The following LRRC38 variants were observed in gnomAD, a reference collection of about 807,000 sequenced individuals.
LRRC38 encodes the protein leucine-rich repeat-containing protein 38.
A neutral mutation model predicts 16.4 loss-of-function variants in LRRC38; 5 were observed. The ratio of observed to expected loss-of-function variants is 0.31; its 90% CI spans 0.16 to 0.64. The LOEUF (loss-of-function observed/expected upper bound fraction) is 0.64. LRRC38 is among the 30% of genes least tolerant of loss of function. The probability of loss-of-function intolerance (pLI) is 0.80; values close to 1 mark genes in which losing one functional copy is unlikely to be tolerated. For missense variants in LRRC38, 341 were observed against 401.8 expected (o/e 0.85, Z 1.29); for synonymous variants, 191 against 190.2 (o/e 1.00, Z -0.04).
rs930859549 is a variant in LRRC38, at chr1:13,475,918, A to G, written c.813T>C (p.Thr271=). The change falls in exon 2 of 2, where the codon ACT becomes ACC. Residue 271 remains threonine (T), a synonymous_variant. Coordinates refer to ENST00000376085, the MANE Select transcript of LRRC38 (RefSeq NM_001010847.2). The surrounding 1 kb of genome is among the most constrained non-coding windows in gnomAD (Gnocchi z 4.3). ...CGCACCTCTGGAGGCACTGCACCAC[A>G]GTGGCCAGGAAGAAGCTGGAGATGA... is the stretch of plus-strand genomic sequence containing the variant. ...AAIISSFFLA[T]VVQCLQRCAP... 4.5e-6 allele frequency: 7 copies of G among 1,550,652 alleles called. No homozygotes were observed. Among genetic ancestry groups the G allele is most frequent in the Non-Finnish European group, 4.4e-6 (5 of 1,147,014 alleles).
At chr1:13,508,899 G>T (rs1235356477) in intron 1 of LRRC38, among the ~76,000 whole-genome samples, 1 of 152,160 alleles carries the variant, frequency 6.6e-6, no homozygotes, top group African/African-American at 2.4e-5. Context: ...CGGGGAAATG[G>T]GGAGAGGCTC....
intron 1 of LRRC38, among the ~76,000 whole-genome samples, chr1:13,478,301 G>A (rs1340093441): frequency 3.9e-5 from 6 of 152,106 alleles, no homozygotes; most frequent in Non-Finnish European, 7.4e-5. Context: ...CACTACACAC[G>A]TTTTTACTCA....
At chr1:13,485,277 TAAAAA>T (rs3060199) in intron 1 of LRRC38, among the ~76,000 whole-genome samples, 1 of 97,822 alleles carries the variant, frequency 1.0e-5, no homozygotes, top group South Asian at 3.8e-4. Flanking sequence ...AACCCCACCT[TAAAAA>T]AAAAAAAAAA....
chr1:13,482,515 C>T lies in LRRC38; in HGVS notation c.632-6416G>A, dbSNP rs189690972. ...AAATTTCTTGAGCCCCAGAGGCAAA[C>T]GCTGCAGTGAGCCAAGATTACGCCA... is the stretch of plus-strand genomic sequence containing the variant. On this transcript the variant is annotated intron_variant, in intron 1 of 1. Transcript: ENST00000376085. 8.0e-4 allele frequency among the ~76,000 whole-genome samples: 121 copies of T among 151,124 alleles called. 1 individual carries two copies. The highest frequency in any genetic ancestry group is 2.5e-3 in the African/African-American group (103 of 41,078).
chr1:13,484,172 C>T (rs554663285), intron 1 of LRRC38, among the ~76,000 whole-genome samples: 11 of 152,268 alleles, frequency 7.2e-5, no homozygotes, highest in Admixed American at 1.3e-4. Context: ...TCTGCACCTG[C>T]CTGCTCTGCC....
chr1:13,511,135 T>C (rs990678299), intron 1 of LRRC38, among the ~76,000 whole-genome samples: 7 of 152,130 alleles, frequency 4.6e-5, no homozygotes, highest in Non-Finnish European at 7.3e-5. Flanking sequence ...CTTTCCTATC[T>C]GAGTCCAGTT....
chr1:13,500,212 G>C lies in LRRC38; in HGVS notation c.631+12751C>G, dbSNP rs1235591711. On this transcript the variant is annotated intron_variant, in intron 1 of 1. Transcript: ENST00000376085. ...AGAGATTGCAGTGAGCCGAGATCAT[G>C]CCACTGCACTCCAGCCCGGGCGACA... is the stretch of plus-strand genomic sequence containing the variant. Among the ~76,000 whole-genome samples, 3 of 149,858 alleles carry C rather than the reference G, an allele frequency of 2.0e-5. No individual in the cohort carries two copies. The East Asian group carries it at 5.9e-4, about 29-fold the overall frequency.
chr1:13,483,788 G>A (rs949912141), intron 1 of LRRC38, among the ~76,000 whole-genome samples: 11 of 152,116 alleles, frequency 7.2e-5, no homozygotes, highest in Non-Finnish European at 1.2e-4. Context: ...ACCTGGCCAC[G>A]TACGTGCTCG....
chr1:13,512,176 G>C (rs2990680), intron 1 of LRRC38, among the ~76,000 whole-genome samples: 87,691 of 151,852 alleles, frequency 0.58, 26,703 homozygotes, highest in Middle Eastern at 0.69. Flanking sequence ...CACTCTGGGT[G>C]CTCATCCCTG....
At chr1:13,512,514 G>A (rs996471890) in intron 1 of LRRC38, among the ~76,000 whole-genome samples, 2 of 152,156 alleles carry the variant, frequency 1.3e-5, no homozygotes, top group Non-Finnish European at 2.9e-5. Context: ...GAGAAGCTGA[G>A]AGGCCAGGTT....
In LRRC38 at chr1:13,477,482, G is replaced by A. The variant is rs564235923; in HGVS notation, c.632-1383C>T. Among the ~76,000 whole-genome samples the A allele has an allele frequency of 2.0e-4, 31 of 152,286 alleles. No homozygotes were observed. The South Asian group carries it at 5.2e-3, about 25-fold the overall frequency. ...GGGGTGGTCAGGAGGTATTATTTCA[G>A]CTAAGGTCAAAAGGATGAGCTGAAA... On this transcript the variant is annotated intron_variant, in intron 1 of 1. Coordinates refer to ENST00000376085, the MANE Select transcript of LRRC38 (RefSeq NM_001010847.2).
intron 1 of LRRC38, among the ~76,000 whole-genome samples, chr1:13,481,806 T>TC (rs1263710292): frequency 6.8e-5 from 9 of 132,946 alleles, no homozygotes; most frequent in African/African-American, 2.6e-4. Flanking sequence ...TCTCTCTCTC[T>TC]CTCTCTCTCT....
At chr1:13,490,726 T>G (rs1325309683) in intron 1 of LRRC38, among the ~76,000 whole-genome samples, 1 of 152,108 alleles carries the variant, frequency 6.6e-6, no homozygotes, top group African/African-American at 2.4e-5. Flanking sequence ...TGTGAGGAAA[T>G]CTAGGAATGG....
chr1:13,481,611 T>A (rs145623865), intron 1 of LRRC38, among the ~76,000 whole-genome samples: 3 of 151,638 alleles, frequency 2.0e-5, no homozygotes, highest in Non-Finnish European at 2.9e-5. Context: ...TAGCCAGGAT[T>A]GTCTCCACCT....
intron 1 of LRRC38, among the ~76,000 whole-genome samples, chr1:13,512,026 A>T (rs569606818): frequency 6.6e-6 from 1 of 152,196 alleles, no homozygotes; most frequent in Non-Finnish European, 1.5e-5. Flanking sequence ...TGTGGTCCCA[A>T]TTCTGCTGAA....
chr1:13,494,238 G>A (rs1474777735), intron 1 of LRRC38, among the ~76,000 whole-genome samples: 4 of 152,090 alleles, frequency 2.6e-5, no homozygotes, highest in Admixed American at 2.6e-4. Flanking sequence ...CCAGGTGTCC[G>A]CACCCTCAGT....
At position 13,487,363 on chromosome 1, in the gene LRRC38, G is replaced by T. The variant is rs1638947861; in HGVS notation, c.632-11264C>A. Among the ~76,000 whole-genome samples the T allele has an allele frequency of 6.6e-6, 1 of 152,152 alleles. No individual in the cohort carries two copies. On this transcript the variant is annotated intron_variant, in intron 1 of 1. Coordinates refer to ENST00000376085, the MANE Select transcript of LRRC38 (RefSeq NM_001010847.2). The surrounding 1 kb of genome is among the most constrained non-coding windows in gnomAD (Gnocchi z 4.4). ...TGTGCTTGGTGGCATGAGGGCTTTG[G>T]GAGGCAGCGGGAGTGATGCAGCTCA...
chr1:13,482,938 C>CTGAAGCACAGA (rs1638887237), intron 1 of LRRC38, among the ~76,000 whole-genome samples: 2 of 152,148 alleles, frequency 1.3e-5, no homozygotes, highest in African/African-American at 4.8e-5. Flanking sequence ...GCTGACCAAA[C>CTGAAGCACAGA]TGAAGCACAG....
chr1:13,512,921 G>GCCCCCCGAC, intron 1 of LRRC38, 42 bp downstream of exon 1: 1 of 1,246,174 alleles, frequency 8.0e-7, no homozygotes, highest in Non-Finnish European at 1.1e-6. Context: ...GCCTCTCCCT[G>GCCCCCCGAC]CCCCCCTCCC....
Sources: gnomAD v4.1 joint callset for allele counts (sites outside exome capture counted in the v4.1 genomes callset) on GRCh38, gnomAD v4.1.1 for gene constraint, Gnocchi (gnomAD v3.1) non-coding constraint, MANE v1.5 for transcripts, NCBI Gene and HGNC (gene_info 2026-07-23, HGNC 2026-07-21) for gene names.